Variants in CACNB2 observed in about 807,000 individuals in gnomAD.
CACNB2 encodes calcium voltage-gated channel auxiliary subunit beta 2.
CACNB2 carries 42 observed loss-of-function variants against 73.3 expected under a neutral mutation model. That is an observed-to-expected ratio of 0.57 (90% CI 0.45 to 0.74). The LOEUF is 0.74. Ranked by LOEUF, CACNB2 falls within the 30% of genes least tolerant of loss-of-function variation. CACNB2 has a pLI of 0.00. For missense variants in CACNB2, 940 were observed against 853.0 expected (o/e 1.10, Z -1.27); for synonymous variants, 348 against 310.3 (o/e 1.12, Z -1.28).
chr10:18,159,732 C>T (rs1024895018), intron 2 of CACNB2, among the ~76,000 whole-genome samples: 2 of 152,118 alleles, frequency 1.3e-5, no homozygotes, highest in African/African-American at 2.4e-5. Flanking sequence ...GATTAAACTG[C>T]GATAATGATT....
chr10:18,310,605 C>CAAAAAAAAAAAAAAAAAAAAAAAT (rs1157466238), intron 2 of CACNB2, among the ~76,000 whole-genome samples: 3 of 36,860 alleles, frequency 8.1e-5, no homozygotes, highest in East Asian at 1.3e-3. Flanking sequence ...AACTCCATCT[C>CAAAAAAAAAAAAAAAAAAAAAAAT]AAAAAAAAAA....
intron 3 of CACNB2, among the ~76,000 whole-genome samples, chr10:18,427,025 G>A (rs549477451): frequency 2.2e-5 from 3 of 137,036 alleles, no homozygotes; most frequent in East Asian, 2.3e-4. Context: ...GTGCGATCTC[G>A]GCTCACGGCA....
intron 2 of CACNB2, among the ~76,000 whole-genome samples, chr10:18,295,738 G>C (rs536942134): frequency 1.6e-4 from 24 of 152,126 alleles, no homozygotes; most frequent in Admixed American, 1.1e-3. Flanking sequence ...TCTGTTTCTT[G>C]ATTGAGATAC....
At chr10:18,502,051 G>A (rs4748475) in intron 5 of CACNB2, among the ~76,000 whole-genome samples, 81,293 of 152,054 alleles carry the variant, frequency 0.53, 22,398 homozygotes, top group East Asian at 0.97. Flanking sequence ...GCTCATGCCT[G>A]TAATCCCAGC....
At chr10:18,182,691 G>A (rs1757211) in intron 2 of CACNB2, among the ~76,000 whole-genome samples, 38,183 of 151,280 alleles carry the variant, frequency 0.25, 4,807 homozygotes, top group African/African-American at 0.29. Context: ...GCGTGGTGGC[G>A]TGCACCTGTA....
At chr10:18,409,945 C>G (rs2044524524) in intron 3 of CACNB2, among the ~76,000 whole-genome samples, 1 of 152,112 alleles carries the variant, frequency 6.6e-6, no homozygotes, top group Non-Finnish European at 1.5e-5. Context: ...CTGAAATCTC[C>G]TGGTCATCCT....
intron 2 of CACNB2, among the ~76,000 whole-genome samples, chr10:18,382,410 C>G (rs764848074): frequency 1.3e-5 from 2 of 152,058 alleles, no homozygotes; most frequent in Non-Finnish European, 2.9e-5. Context: ...TTCCTGGGTA[C>G]ATGTGCAGGA....
At chr10:18,423,740 T>C (rs2045450070) in intron 3 of CACNB2, among the ~76,000 whole-genome samples, 1 of 152,128 alleles carries the variant, frequency 6.6e-6, no homozygotes, top group African/African-American at 2.4e-5. Flanking sequence ...TGTCTAATAT[T>C]CCCCCCTCCA....
intron 2 of CACNB2, among the ~76,000 whole-genome samples, chr10:18,183,176 C>T (rs2033976570): frequency 6.6e-6 from 1 of 152,090 alleles, no homozygotes; most frequent in East Asian, 1.9e-4. Context: ...AACCCACACA[C>T]CAGGATTAAA....
At chr10:18,286,230 T>C (rs1039415236) in intron 2 of CACNB2, among the ~76,000 whole-genome samples, 2 of 152,136 alleles carry the variant, frequency 1.3e-5, no homozygotes, top group African/African-American at 4.8e-5. Context: ...TAACATTACT[T>C]ATGCTGCCGG....
intron 2 of CACNB2, among the ~76,000 whole-genome samples, chr10:18,286,488 G>A (rs369172119): frequency 3.2e-4 from 37 of 116,432 alleles, no homozygotes; most frequent in African/African-American, 7.2e-4. Context: ...ACTGCACTCC[G>A]ACCTGGGCAA....
chr10:18,376,088 A>G (rs571733539), intron 2 of CACNB2, among the ~76,000 whole-genome samples: 7 of 152,212 alleles, frequency 4.6e-5, no homozygotes, highest in Admixed American at 4.6e-4. Flanking sequence ...ATTTGGCAGC[A>G]TCTTAAATGT....
At chr10:18,375,648 C>T (rs952725241) in intron 2 of CACNB2, among the ~76,000 whole-genome samples, 1 of 152,102 alleles carries the variant, frequency 6.6e-6, no homozygotes, top group African/African-American at 2.4e-5. Flanking sequence ...GTGCAGGAGC[C>T]CATTCTCTGA....
At chr10:18,257,810 C>T (rs535904527) in intron 2 of CACNB2, among the ~76,000 whole-genome samples, 2 of 152,196 alleles carry the variant, frequency 1.3e-5, no homozygotes, top group South Asian at 2.1e-4. Context: ...GTGGCATGAT[C>T]TCGGCTCACT....
intron 2 of CACNB2, among the ~76,000 whole-genome samples, chr10:18,227,088 T>C (rs1426821092): frequency 6.6e-6 from 1 of 152,194 alleles, no homozygotes; most frequent in African/African-American, 2.4e-5. Context: ...AAGACCATAA[T>C]GATAAAACAA....
intron 2 of CACNB2, among the ~76,000 whole-genome samples, chr10:18,386,968 G>A (rs2043262013): frequency 6.6e-6 from 1 of 152,190 alleles, no homozygotes. Flanking sequence ...GGCAGTAACA[G>A]TATTATCATC....
chr10:18,426,944 C>G (rs1195781442), intron 3 of CACNB2, among the ~76,000 whole-genome samples: 1 of 125,100 alleles, frequency 8.0e-6, no homozygotes. Flanking sequence ...TATCAAATGT[C>G]CCTTTTCTAC....
At chr10:18,481,238 T>A (rs1187602614) in intron 3 of CACNB2, among the ~76,000 whole-genome samples, 88 of 58,304 alleles carry the variant, frequency 1.5e-3, no homozygotes, top group South Asian at 2.8e-3. Flanking sequence ...ATATTTTTTT[T>A]TTTTTTTTTT....
intron 3 of CACNB2, among the ~76,000 whole-genome samples, chr10:18,495,972 T>C (rs1044551404): frequency 6.6e-6 from 1 of 151,752 alleles, no homozygotes; most frequent in African/African-American, 2.4e-5. Flanking sequence ...AAAATTAAAG[T>C]GGATGTCATT....
Sources: gnomAD v4.1 joint callset for allele counts (sites outside exome capture counted in the v4.1 genomes callset) on GRCh38, gnomAD v4.1.1 for gene constraint, MANE v1.5 for transcripts, NCBI Gene and HGNC (gene_info 2026-07-23, HGNC 2026-07-21) for gene names.